MYT1L: variants seen among roughly 807,000 people sequenced by gnomAD.
MYT1L encodes myelin transcription factor 1-like protein.
MYT1L carries 12 observed loss-of-function variants against 126.7 expected under a neutral mutation model. That is an observed-to-expected ratio of 0.09 (90% CI 0.06 to 0.15). MYT1L has a LOEUF of 0.15. MYT1L is among the 10% of genes least tolerant of loss of function. The probability of loss-of-function intolerance (pLI) is 1.00; values close to 1 mark genes in which losing one functional copy is unlikely to be tolerated. For missense variants in MYT1L, 979 were observed against 1,585.2 expected (o/e 0.62, Z 6.49); for synonymous variants, 541 against 604.2 (o/e 0.90, Z 1.53).
rs531713956 is a variant in MYT1L, at chr2:2,250,155, G to C, written c.-421+34249C>G. ...AAAAATAGAGCTACCATAAAATTCA[G>C]CACTCCCATTGCTAGTTATACACTT... On this transcript the variant is annotated intron_variant, in intron 2 of 24. Coordinates refer to ENST00000647738, the MANE Select transcript of MYT1L (RefSeq NM_001303052.2). 3.9e-5 allele frequency among the ~76,000 whole-genome samples: 6 copies of C among 152,220 alleles called. No homozygotes were observed. In the South Asian group the frequency reaches 1.0e-3, roughly 26 times the overall value.
At chr2:2,229,621 T>TG (rs35382040) in intron 2 of MYT1L, among the ~76,000 whole-genome samples, 55,746 of 151,612 alleles carry the variant, frequency 0.37, 12,615 homozygotes, top group East Asian at 0.7. Context: ...TTTGCACAGA[T>TG]GGGGCCTCAC....
chr2:2,295,503 G>C, intron 1 of MYT1L, among the ~76,000 whole-genome samples: 1 of 151,772 alleles, frequency 6.6e-6, no homozygotes, highest in Non-Finnish European at 1.5e-5. Context: ...TGTGGAGAGT[G>C]TGGGGGTGGG....
chr2:1,853,709 A>C (rs2043564530), intron 18 of MYT1L, among the ~76,000 whole-genome samples: 1 of 152,246 alleles, frequency 6.6e-6, no homozygotes, highest in African/African-American at 2.4e-5. Flanking sequence ...AAACTTTCTA[A>C]TTCAAGTACA....
At chr2:2,205,788 T>A (rs2093291140) in intron 2 of MYT1L, among the ~76,000 whole-genome samples, 1 of 152,096 alleles carries the variant, frequency 6.6e-6, no homozygotes, top group Non-Finnish European at 1.5e-5. Context: ...GATGTTTCCA[T>A]CCCCCTTCTC....
intron 8 of MYT1L, among the ~76,000 whole-genome samples, chr2:1,972,565 G>A (rs1308916138): frequency 6.6e-6 from 1 of 152,206 alleles, no homozygotes; most frequent in Non-Finnish European, 1.5e-5. Flanking sequence ...ACCTGGCTCT[G>A]TTCCAGGGCT....
chr2:2,249,645 C>A (rs917586861), intron 2 of MYT1L, among the ~76,000 whole-genome samples: 3 of 152,060 alleles, frequency 2.0e-5, no homozygotes, highest in African/African-American at 7.2e-5. Flanking sequence ...ACCCCACAAA[C>A]ACAAGCAACC....
At chr2:1,832,631 C>T (rs1432377270) in intron 21 of MYT1L, among the ~76,000 whole-genome samples, 1 of 152,196 alleles carries the variant, frequency 6.6e-6, no homozygotes, top group East Asian at 1.9e-4. Flanking sequence ...AACGTGTCTG[C>T]CTGCCCGTCC....
intron 2 of MYT1L, among the ~76,000 whole-genome samples, chr2:2,182,105 C>G (rs2091599161): frequency 6.6e-6 from 1 of 151,774 alleles, no homozygotes; most frequent in Admixed American, 6.6e-5. Flanking sequence ...GAACCATGGC[C>G]ACGGACAGCA....
chr2:2,264,495 G>C (rs776564097), intron 2 of MYT1L, among the ~76,000 whole-genome samples: 1 of 151,980 alleles, frequency 6.6e-6, no homozygotes, highest in African/African-American at 2.4e-5. Flanking sequence ...ATAGGTCATA[G>C]TGAAGCATTC....
At chr2:1,846,053 C>T (rs1558738709) in intron 19 of MYT1L, among the ~76,000 whole-genome samples, 1 of 152,214 alleles carries the variant, frequency 6.6e-6, no homozygotes, top group Non-Finnish European at 1.5e-5. Context: ...TAAGTACATA[C>T]ATATTTGAAA....
chr2:2,272,040 C>A (rs2095273780), intron 2 of MYT1L, among the ~76,000 whole-genome samples: 1 of 152,206 alleles, frequency 6.6e-6, no homozygotes, highest in Non-Finnish European at 1.5e-5. Context: ...CCTGGCGAGG[C>A]CTCGCCCCAC....
chr2:2,271,499 G>A (rs2095262651), intron 2 of MYT1L, among the ~76,000 whole-genome samples: 1 of 152,190 alleles, frequency 6.6e-6, no homozygotes. Flanking sequence ...ACGTCTCCTA[G>A]AGGGAACAAA....
intron 1 of MYT1L, among the ~76,000 whole-genome samples, chr2:2,305,114 A>T (rs1394314138): frequency 6.6e-6 from 1 of 152,188 alleles, no homozygotes; most frequent in South Asian, 2.1e-4. Context: ...GGGAATTTGG[A>T]CTTGCTTTGG....
At chr2:1,853,653 T>C (rs2043558207) in intron 18 of MYT1L, among the ~76,000 whole-genome samples, 1 of 152,234 alleles carries the variant, frequency 6.6e-6, no homozygotes, top group South Asian at 2.1e-4. Flanking sequence ...CAGCCACCAA[T>C]ACATACTTGG....
At chr2:2,208,761 A>G (rs1010366952) in intron 2 of MYT1L, among the ~76,000 whole-genome samples, 21 of 152,150 alleles carry the variant, frequency 1.4e-4, no homozygotes, top group Non-Finnish European at 7.4e-5. Flanking sequence ...TTTAAGTTTA[A>G]TTTATCTTGA....
chr2:1,796,768 G>A (rs1033965448), intron 23 of MYT1L, among the ~76,000 whole-genome samples: 7 of 151,942 alleles, frequency 4.6e-5, no homozygotes, highest in Admixed American at 3.3e-4. Context: ...TCCACCTCCC[G>A]TGTCTGCAGG....
chr2:2,011,207 G>A lies in MYT1L; in HGVS notation c.-157-13860C>T, dbSNP rs1002487247. 3.3e-5 allele frequency among the ~76,000 whole-genome samples: 5 copies of A among 152,068 alleles called. No individual in the cohort carries two copies. In the East Asian group the frequency reaches 9.7e-4, roughly 29 times the overall value. On this transcript the variant is annotated intron_variant, in intron 4 of 24. Transcript: ENST00000647738. ...AGTTTGAGACCAGCCTGGCCAACAC[G>A]GCAAAACCCTGTCTCTAGTAAAAAT...
rs35204525 is a variant in MYT1L, at chr2:2,236,154, C to T, written c.-421+48250G>A. On this transcript the variant is annotated intron_variant, in intron 2 of 24. Coordinates refer to ENST00000647738, the MANE Select transcript of MYT1L (RefSeq NM_001303052.2). ...CATCCCAACCCAACCCAGTACATCC[C>T]ATCCTAACCCAGCACATCCCAACCC... Among the ~76,000 whole-genome samples, 1,580 of 148,400 alleles carry T rather than the reference C, an allele frequency of 0.011. 55 individuals are homozygous for T. In the East Asian group the frequency reaches 0.13, roughly 13 times the overall value.
At chr2:2,108,570 C>G (rs1016539096) in intron 3 of MYT1L, among the ~76,000 whole-genome samples, 5 of 152,124 alleles carry the variant, frequency 3.3e-5, no homozygotes, top group African/African-American at 1.2e-4. Flanking sequence ...CCTATCACAC[C>G]AAATGATGTC....
Sources: allele counts gnomAD v4.1 joint callset (sites outside exome capture counted in the v4.1 genomes callset), GRCh38; gene constraint gnomAD v4.1.1; transcripts MANE v1.5; gene names NCBI Gene and HGNC (gene_info 2026-07-23, HGNC 2026-07-21).